KLHDC7B: variants seen among roughly 807,000 people sequenced by gnomAD.
The protein encoded by KLHDC7B is kelch domain containing 7B, also known as kelch domain-containing protein 7B.
KLHDC7B carries 1 observed loss-of-function variant against 0.6 expected under a neutral mutation model. That is an observed-to-expected ratio of 1.71 (90% CI 0.61 to 8.11). The LOEUF (loss-of-function observed/expected upper bound fraction) is 8.11, where lower values mean the gene tolerates loss of function less well. Ranked by LOEUF, KLHDC7B falls within the 30% of genes most tolerant of loss-of-function variation. The pLI is 0.13. For synonymous variants in KLHDC7B, 462 were observed against 405.2 expected, an observed-to-expected ratio of 1.14 and a Z score of -1.68; for missense variants, 993 against 894.9, an observed-to-expected ratio of 1.11 and a Z score of -1.40.
Position 50,549,368 on chromosome 22 carries a change from T to G in KLHDC7B, c.3125T>G (p.Val1042Gly), listed in dbSNP as rs778325249. ...MQQARAQLKL[V>G]ALDGLLYAIG... ...CAGGCCCGAGCCCAGCTCAAGCTGG[T>G]GGCCCTGGACGGGCTGCTCTATGCC... Residue 1042 changes from valine to glycine, a missense_variant, in exon 1 of 1, where the codon GTG (valine) becomes GGG (glycine). Coordinates refer to ENST00000648057, the MANE Select transcript of KLHDC7B (RefSeq NM_138433.5). The G allele has an allele frequency of 6.2e-7, 1 of 1,612,884 alleles. No homozygotes were observed. The highest frequency in any genetic ancestry group is 8.5e-7 in the Non-Finnish European group (1 of 1,179,934).
rs772032431 is a variant in KLHDC7B, at chr22:50,549,980, G to A, written c.*29G>A. The A allele has an allele frequency of 8.7e-6, 13 of 1,502,706 alleles. No homozygotes were observed. In the Admixed American group the frequency reaches 1.4e-4, roughly 16 times the overall value. 93.1% of individuals were successfully genotyped at this position (1,502,706 alleles called of 1,614,324 possible). Reference sequence around the variant, plus strand: ...GCAGGCAGAGAACCAAAGCTGCTTCGCTGCTCTCCAGGGAGACCCTCCTGG... The same window carrying A: ...GCAGGCAGAGAACCAAAGCTGCTTCACTGCTCTCCAGGGAGACCCTCCTGG... On this transcript the variant is annotated 3_prime_UTR_variant, in exon 1 of 1. Transcript: ENST00000648057.
rs1298744500 is a variant in KLHDC7B at position 50,548,331 on chromosome 22, C to T, written c.2088C>T (p.Gly696=). 1.3e-6 allele frequency: 2 copies of T among 1,551,062 alleles called. No homozygotes were observed. The highest frequency in any genetic ancestry group is 4.9e-5 in the East Asian group (2 of 40,892). ...CAGTCATAGGGACAGGTACAGGGGG[C>T]CTGGTTGAGGCTGGAGGTCAGCCAC... The part of the protein sequence containing the change: ...VGTVIGTGTG[G]LVEAGGQPQP... The change falls in exon 1 of 1, where the codon GGC becomes GGT. Residue 696 remains glycine, a synonymous_variant. Coordinates refer to ENST00000648057, the MANE Select transcript of KLHDC7B (RefSeq NM_138433.5). The surrounding 1 kb of genome is among the most constrained non-coding windows in gnomAD (Gnocchi z 5.3).
At position 50,549,175 on chromosome 22, in the gene KLHDC7B, C is replaced by T; in HGVS notation, c.1009C>T (p.Gln337Ter). Residue 337 changes from glutamine (Q) to a stop codon, truncating the protein, a stop_gained, in exon 1 of 1, where the codon CAG becomes TAG. Transcript: ENST00000395676. LOFTEE classifies it low-confidence loss of function (END_TRUNC). ...GGAGAACACCTGGCGGCCCCTGACC[C>T]AGGTGCCCGAGGAGGCCCCGCTTCG... 6.2e-7 allele frequency: 1 copy of T among 1,605,478 alleles called. No individual in the cohort carries two copies. Among genetic ancestry groups the T allele is most frequent in the South Asian group, 1.1e-5 (1 of 91,066 alleles).
Position 50,547,240 on chromosome 22 carries a change from G to A in KLHDC7B, c.997G>A (p.Val333Ile), listed in dbSNP as rs185618396. Among the ~76,000 whole-genome samples the A allele has an allele frequency of 6.6e-6, 1 of 152,072 alleles. No homozygotes were observed. Among genetic ancestry groups the A allele is most frequent in the Non-Finnish European group, 1.5e-5 (1 of 67,904 alleles). Reference sequence around the variant, plus strand: ...AGGCTGGCCCTGGGTCAGCAGGGAGGTCCCGGGCACCCGGAGCTTTGGCCC... The same window carrying A: ...AGGCTGGCCCTGGGTCAGCAGGGAGATCCCGGGCACCCGGAGCTTTGGCCC... ...GGGWPWVSRE[V>I]PGTRSFGPAP... is the part of the protein sequence containing the mutation. Residue 333 changes from valine (V) to isoleucine (I), a missense_variant, in exon 1 of 1, where the codon GTC (valine) becomes ATC (isoleucine). By Grantham distance (29) the Val-to-Ile change is conservative (BLOSUM62 3). Transcript: ENST00000648057.
chr22:50,548,849 C>T lies in KLHDC7B; in HGVS notation c.2606C>T (p.Ala869Val). Residue 869 changes from alanine to valine, a missense_variant, in exon 1 of 1, where the codon GCC (alanine) becomes GTC (valine). Coordinates refer to ENST00000648057, the MANE Select transcript of KLHDC7B (RefSeq NM_138433.5). The surrounding 1 kb of genome is among the most constrained non-coding windows in gnomAD (Gnocchi z 5.3). Reference sequence around the variant, plus strand: ...CTGGGCAGTTGCCTGGACGTGCTGGCCTTTGCCCAGCAGCACGGAGAGCCC... The same window carrying T: ...CTGGGCAGTTGCCTGGACGTGCTGGTCTTTGCCCAGCAGCACGGAGAGCCC... ...LDLGSCLDVL[A>V]FAQQHGEPGL... The T allele has an allele frequency of 1.3e-6, 2 of 1,551,786 alleles. No homozygotes were observed. The highest frequency in any genetic ancestry group is 1.2e-5 in the South Asian group (1 of 85,142).
Position 50,548,519 on chromosome 22 carries a change from C to T in KLHDC7B, c.2276C>T (p.Ser759Phe), listed in dbSNP as rs974988155. The T allele has an allele frequency of 1.3e-6, 2 of 1,555,036 alleles. No homozygotes were observed. The highest frequency in any genetic ancestry group is 2.7e-5 in the African/African-American group (2 of 73,554). Residue 759 changes from serine to phenylalanine, a missense_variant, in exon 1 of 1, where the codon TCC (serine) becomes TTC (phenylalanine). Ser to Phe is a radical substitution (Grantham distance 155, BLOSUM62 -2). Coordinates refer to ENST00000648057, the MANE Select transcript of KLHDC7B (RefSeq NM_138433.5). The surrounding 1 kb of genome is among the most constrained non-coding windows in gnomAD (Gnocchi z 5.3). ...PAQRPPGPAA[S>F]SSARRSQPVP... Reference sequence around the variant, plus strand: ...CAGAGGCCGCCTGGCCCCGCGGCCTCCTCCTCTGCGAGGCGCTCACAGCCG... The same window carrying T: ...CAGAGGCCGCCTGGCCCCGCGGCCTTCTCCTCTGCGAGGCGCTCACAGCCG...
Position 50,548,558 on chromosome 22 carries a change from G to C in KLHDC7B, c.2315G>C (p.Arg772Pro), listed in dbSNP as rs2069760964. 2 of 1,549,508 alleles carry C rather than the reference G, an allele frequency of 1.3e-6. No homozygotes were observed. The highest frequency in any genetic ancestry group is 2.0e-5 in the Admixed American group (1 of 51,008). Residue 772 changes from arginine (R) to proline (P), a missense_variant, in exon 1 of 1, where the codon CGG (arginine) becomes CCG (proline). Physicochemically the swap from Arg to Pro is moderately radical, Grantham distance 103 (BLOSUM62 -2). Transcript: ENST00000648057. This position sits in a 1 kb window ranked among gnomAD's most constrained non-coding sequence, Gnocchi z 5.3. ...ARRSQPVPQLRKRSRCEIAPS... is the reference protein window; with the variant it reads ...ARRSQPVPQLPKRSRCEIAPS... Reference sequence around the variant, plus strand: ...CGCTCACAGCCGGTACCCCAGCTACGGAAACGCAGCAGGTGCGAAATCGCC... The same window carrying C: ...CGCTCACAGCCGGTACCCCAGCTACCGAAACGCAGCAGGTGCGAAATCGCC...
chr22:50,549,230 A>T lies in KLHDC7B; in HGVS notation c.2987A>T (p.Tyr996Phe). 1 of 1,608,814 alleles carries T rather than the reference A, an allele frequency of 6.2e-7. No homozygotes were observed. Residue 996 changes from tyrosine to phenylalanine, a missense_variant, in exon 1 of 1, where the codon TAC (tyrosine) becomes TTC (phenylalanine). Transcript: ENST00000648057. ...TGCGGTCTCTGCACCATGCACAACTACCTGTTTCTGGCGGGGGGCATCCGT... is the reference window on the plus strand; with the variant it reads ...TGCGGTCTCTGCACCATGCACAACTTCCTGTTTCTGGCGGGGGGCATCCGT... ...RGCGLCTMHNYLFLAGGIRGS... is the reference protein window; with the variant it reads ...RGCGLCTMHNFLFLAGGIRGS...
chr22:50,548,325 A>C lies in KLHDC7B; in HGVS notation c.2082A>C (p.Thr694=). The change falls in exon 1 of 1, where the codon ACA becomes ACC. Residue 694 remains threonine, a synonymous_variant. Coordinates refer to ENST00000648057, the MANE Select transcript of KLHDC7B (RefSeq NM_138433.5). This position sits in a 1 kb window ranked among gnomAD's most constrained non-coding sequence, Gnocchi z 5.3. The part of the protein sequence containing the change: ...SSVGTVIGTG[T]GGLVEAGGQP... Reference sequence around the variant, plus strand: ...TGGGGACAGTCATAGGGACAGGTACAGGGGGCCTGGTTGAGGCTGGAGGTC... The same window carrying C: ...TGGGGACAGTCATAGGGACAGGTACCGGGGGCCTGGTTGAGGCTGGAGGTC... 1 of 1,551,024 alleles carries C rather than the reference A, an allele frequency of 6.4e-7. No individual in the cohort carries two copies. Among genetic ancestry groups the C allele is most frequent in the South Asian group, 1.2e-5 (1 of 84,042 alleles).
Position 50,549,973 on chromosome 22 carries a change from C to G in KLHDC7B, c.*22C>G, listed in dbSNP as rs1194229883. On this transcript the variant is annotated 3_prime_UTR_variant, in exon 1 of 1. Coordinates refer to ENST00000648057, the MANE Select transcript of KLHDC7B (RefSeq NM_138433.5). ...CTGAGTGGCAGGCAGAGAACCAAAGCTGCTTCGCTGCTCTCCAGGGAGACC... is the reference window on the plus strand; with the variant it reads ...CTGAGTGGCAGGCAGAGAACCAAAGGTGCTTCGCTGCTCTCCAGGGAGACC... 2.0e-6 allele frequency: 3 copies of G among 1,508,538 alleles called. No individual in the cohort carries two copies. The highest frequency in any genetic ancestry group is 2.7e-6 in the Non-Finnish European group (3 of 1,120,332). 93.4% of individuals were successfully genotyped at this position (1,508,538 alleles called of 1,614,324 possible).
At position 50,549,793 on chromosome 22, in the gene KLHDC7B, T is replaced by C. The variant is rs752252290; in HGVS notation, c.3550T>C (p.Cys1184Arg). The change falls in exon 1 of 1, where the codon TGC becomes CGC. Residue 1184 changes from cysteine (C) to arginine (R), a missense_variant. Coordinates refer to ENST00000648057, the MANE Select transcript of KLHDC7B (RefSeq NM_138433.5). ...CACCACCCTGGGCAACACCATTTAC[T>C]GCCTCAACCCCCAGGTCACTGCCAC... ...HCTTLGNTIY[C>R]LNPQVTATFT... is the part of the protein sequence containing the mutation. 7.0e-7 allele frequency: 1 copy of C among 1,421,350 alleles called. No homozygotes were observed. The highest frequency in any genetic ancestry group is 9.4e-7 in the Non-Finnish European group (1 of 1,062,190). The allele number at this position is 1,421,350 out of a possible 1,614,324, so 88.0% of individuals were successfully genotyped here.
rs1257663251 is a variant in KLHDC7B, at chr22:50,549,076, C to T, written c.2833C>T (p.Arg945Cys). Residue 945 changes from arginine (R) to cysteine (C), a missense_variant, in exon 1 of 1, where the codon CGT becomes TGT. Transcript: ENST00000648057. ...CCGCTCAGGGCTCCCCAGGGGCCCT[C>T]GTGGCGAGGAGCCTCCTGCGGCGGC... ...GGRSGLPRGP[R>C]GEEPPAAAPV... 1 of 1,600,064 alleles carries T rather than the reference C, an allele frequency of 6.2e-7. No homozygotes were observed. Among genetic ancestry groups the T allele is most frequent in the East Asian group, 2.2e-5 (1 of 44,850 alleles).
Position 50,549,906 on chromosome 22 carries a change from C to G in KLHDC7B, c.3663C>G (p.Phe1221Leu). The G allele has an allele frequency of 6.3e-7, 1 of 1,588,756 alleles. No individual in the cohort carries two copies. The highest frequency in any genetic ancestry group is 2.3e-5 in the East Asian group (1 of 43,894). ...GGAGCACCGGGGTCCTCAGTCCATT[C>G]ATCCTGACTCTGCCCCCTGAGGACC... is the stretch of plus-strand genomic sequence containing the variant. Reference protein sequence around the residue: ...PLGSTGVLSPFILTLPPEDRL... With the variant: ...PLGSTGVLSPLILTLPPEDRL... The change falls in exon 1 of 1, where the codon TTC becomes TTG. Residue 1221 changes from phenylalanine to leucine, a missense_variant. Physicochemically the swap from Phe to Leu is conservative, Grantham distance 22. Coordinates refer to ENST00000648057, the MANE Select transcript of KLHDC7B (RefSeq NM_138433.5).
At position 50,549,976 on chromosome 22, in the gene KLHDC7B, C is replaced by G; in HGVS notation, c.*25C>G. 6.6e-7 allele frequency: 1 copy of G among 1,505,334 alleles called. No individual in the cohort carries two copies. Among genetic ancestry groups the G allele is most frequent in the African/African-American group, 1.4e-5 (1 of 72,466 alleles). 93.2% of individuals were successfully genotyped at this position (1,505,334 alleles called of 1,614,324 possible). A position where few individuals can be genotyped will look rare whatever the true frequency, so the allele number is the denominator to read the frequency against. ...AGTGGCAGGCAGAGAACCAAAGCTG[C>G]TTCGCTGCTCTCCAGGGAGACCCTC... On this transcript the variant is annotated 3_prime_UTR_variant, in exon 1 of 1. Coordinates refer to ENST00000648057, the MANE Select transcript of KLHDC7B (RefSeq NM_138433.5).
chr22:50,550,060 T>G lies in KLHDC7B; in HGVS notation c.*109T>G, dbSNP rs1053266301. 4.5e-5 allele frequency: 53 copies of G among 1,184,832 alleles called. No homozygotes were observed. In the East Asian group the frequency reaches 5.1e-4, roughly 11 times the overall value. 73.4% of individuals were successfully genotyped at this position (1,184,832 alleles called of 1,614,324 possible). A position where few individuals can be genotyped will look rare whatever the true frequency, so the allele number is the denominator to read the frequency against. On this transcript the variant is annotated 3_prime_UTR_variant, in exon 1 of 1. Coordinates refer to ENST00000648057, the MANE Select transcript of KLHDC7B (RefSeq NM_138433.5). ...AGGGGCTGGGATCGGAACTTCCTGC[T>G]CTTGTTTCTGGACAACTTTCCCCTT...
At position 50,549,217 on chromosome 22, in the gene KLHDC7B, A is replaced by G. The variant is rs1212374828; in HGVS notation, c.2974A>G (p.Thr992Ala). 1 of 1,608,124 alleles carries G rather than the reference A, an allele frequency of 6.2e-7. No individual in the cohort carries two copies. Among genetic ancestry groups the G allele is most frequent in the Admixed American group, 1.7e-5 (1 of 60,018 alleles). ...CCCGCTTCGGGGCTGCGGTCTCTGCACCATGCACAACTACCTGTTTCTGGC... is the reference window on the plus strand; with the variant it reads ...CCCGCTTCGGGGCTGCGGTCTCTGCGCCATGCACAACTACCTGTTTCTGGC... The part of the protein sequence containing the change: ...EAPLRGCGLC[T>A]MHNYLFLAGG... Residue 992 changes from threonine to alanine, a missense_variant, in exon 1 of 1, where the codon ACC (threonine) becomes GCC (alanine). Transcript: ENST00000648057.
rs1477305609 is a variant in KLHDC7B, at chr22:50,548,502, G to A, written c.2259G>A (p.Pro753=). Residue 753 remains proline, a synonymous_variant, in exon 1 of 1, where the codon CCG becomes CCA. Transcript: ENST00000648057. This position sits in a 1 kb window ranked among gnomAD's most constrained non-coding sequence, Gnocchi z 5.3. ...RGPAQPPAQR[P]PGPAASSSAR... is the part of the protein sequence containing the mutation. ...CCGCACAGCCCCCCGCGCAGAGGCC[G>A]CCTGGCCCCGCGGCCTCCTCCTCTG... The A allele has an allele frequency of 9.0e-6, 14 of 1,558,232 alleles. No individual in the cohort carries two copies. In the East Asian group the frequency reaches 3.1e-4, roughly 34 times the overall value.
Position 50,546,751 on chromosome 22 carries a change from G to A in KLHDC7B, c.508G>A (p.Gly170Arg), listed in dbSNP as rs2148694659. ...TALLGRSEAG[G>R]MSAPLLIHFT... ...CCTCCTGGGCAGGAGCGAAGCAGGGGGGATGTCCGCCCCCCTCCTGATCCA... is the reference window on the plus strand; with the variant it reads ...CCTCCTGGGCAGGAGCGAAGCAGGGAGGATGTCCGCCCCCCTCCTGATCCA... The change falls in exon 1 of 1, where the codon GGG (glycine) becomes AGG (arginine). Residue 170 changes from glycine to arginine, a missense_variant. Physicochemically the swap from Gly to Arg is moderately radical, Grantham distance 125. Transcript: ENST00000648057. 6.6e-6 allele frequency among the ~76,000 whole-genome samples: 1 copy of A among 152,288 alleles called. No homozygotes were observed. The highest frequency in any genetic ancestry group is 1.9e-4 in the East Asian group (1 of 5,170).
In KLHDC7B at chr22:50,548,580, C is replaced by A; in HGVS notation, c.2337C>A (p.Ile779=). 6.5e-7 allele frequency: 1 copy of A among 1,546,728 alleles called. No individual in the cohort carries two copies. Among genetic ancestry groups the A allele is most frequent in the Non-Finnish European group, 8.7e-7 (1 of 1,146,852 alleles). ...TACGGAAACGCAGCAGGTGCGAAATCGCCCCGAGCTCGGAGCAGGAGGTCA... is the reference window on the plus strand; with the variant it reads ...TACGGAAACGCAGCAGGTGCGAAATAGCCCCGAGCTCGGAGCAGGAGGTCA... ...PQLRKRSRCE[I]APSSEQEVRP... The change falls in exon 1 of 1, where the codon ATC becomes ATA. Residue 779 remains isoleucine, a synonymous_variant. Transcript: ENST00000648057. The surrounding 1 kb of genome is among the most constrained non-coding windows in gnomAD (Gnocchi z 5.3).
Sources: gnomAD v4.1 joint callset for allele counts (sites outside exome capture counted in the v4.1 genomes callset) on GRCh38, gnomAD v4.1.1 for gene constraint, Gnocchi (gnomAD v3.1) non-coding constraint, MANE v1.5 for transcripts, NCBI Gene and HGNC (gene_info 2026-07-23, HGNC 2026-07-21) for gene names.